Variants in RBPJ observed in about 807,000 individuals in gnomAD.
RBPJ encodes the protein recombination signal binding protein for immunoglobulin kappa J region.
Under a neutral mutation model 67.8 loss-of-function variants are expected in RBPJ, and 9 were observed. The observed-to-expected ratio is 0.13, with a 90% CI of 0.08 to 0.23. RBPJ has a LOEUF of 0.23. RBPJ is among the 10% of genes least tolerant of loss of function. The probability of loss-of-function intolerance (pLI) is 1.00; values close to 1 mark genes in which losing one functional copy is unlikely to be tolerated. For synonymous variants in RBPJ, 198 were observed against 203.3 expected, an observed-to-expected ratio of 0.97 and a Z score of 0.22; for missense variants, 305 against 595.6, an observed-to-expected ratio of 0.51 and a Z score of 5.08.
chr4:26,313,619 A>C (rs1007633746), intron 1 of RBPJ, among the ~76,000 whole-genome samples: 1 of 152,016 alleles, frequency 6.6e-6, no homozygotes, highest in African/African-American at 2.4e-5. Flanking sequence ...GCAGTGAGCC[A>C]AGATCATGCC....
the RBPJ span, among the ~76,000 whole-genome samples, chr4:26,115,787 G>A: frequency 5.9e-5 from 9 of 152,198 alleles, no homozygotes; most frequent in Non-Finnish European, 1.0e-4. Context: ...AAAGAAGAGC[G>A]AAACAGTATT....
intron 1 of RBPJ, among the ~76,000 whole-genome samples, chr4:26,346,033 A>G (rs565607450): frequency 2.0e-4 from 30 of 152,292 alleles, no homozygotes; most frequent in African/African-American, 7.2e-4. Context: ...ACACACACAC[A>G]CAAACACAAA....
At chr4:26,244,378 C>CAT (rs144410461) in intron 1 of RBPJ, among the ~76,000 whole-genome samples, 10,700 of 12,202 alleles carry the variant, frequency 0.88, 4,779 homozygotes, top group East Asian at 0.94. Flanking sequence ...TATGTGTACA[C>CAT]GTGTGTGTAT....
At chr4:26,391,907 G>A (rs762369321) in intron 2 of RBPJ, among the ~76,000 whole-genome samples, 16 of 152,204 alleles carry the variant, frequency 1.1e-4, no homozygotes, top group Non-Finnish European at 1.6e-4. Context: ...AGGCTGGGAA[G>A]TCTAAGATTA....
At chr4:26,268,339 T>G (rs1444572544) in intron 1 of RBPJ, among the ~76,000 whole-genome samples, 1 of 152,314 alleles carries the variant, frequency 6.6e-6, no homozygotes, top group South Asian at 2.1e-4. Context: ...GTATTGGAAA[T>G]TGGGCTGTTT....
chr4:26,234,311 G>A (rs1000978036), intron 1 of RBPJ, among the ~76,000 whole-genome samples: 11 of 152,104 alleles, frequency 7.2e-5, no homozygotes, highest in African/African-American at 2.7e-4. Context: ...TTAAGTCTGT[G>A]GTACAAATAG....
chr4:26,236,845 C>T (rs377657696), intron 1 of RBPJ, among the ~76,000 whole-genome samples: 3 of 152,124 alleles, frequency 2.0e-5, no homozygotes, highest in African/African-American at 7.2e-5. Flanking sequence ...ACTGACTAAC[C>T]GGTAGCTATT....
intron 1 of RBPJ, among the ~76,000 whole-genome samples, chr4:26,214,282 AGGAAG>A (rs1718539313): frequency 1.2e-5 from 1 of 80,234 alleles, no homozygotes; most frequent in African/African-American, 5.2e-5. Flanking sequence ...AAGAGAAAGG[AGGAAG>A]GAAAGGAAGG....
chr4:26,138,606 C>T, the RBPJ span, among the ~76,000 whole-genome samples: 20 of 152,156 alleles, frequency 1.3e-4, no homozygotes, highest in Middle Eastern at 3.2e-3. Flanking sequence ...AGAGAAATGT[C>T]GCTGCTCTGG....
intron 1 of RBPJ, among the ~76,000 whole-genome samples, chr4:26,357,886 C>T (rs1168603838): frequency 6.6e-6 from 1 of 152,054 alleles, no homozygotes. Flanking sequence ...ATCCATGTAG[C>T]GTTGTCAGAA....
At chr4:26,132,996 C>G in the RBPJ span, among the ~76,000 whole-genome samples, 1 of 152,210 alleles carries the variant, frequency 6.6e-6, no homozygotes, top group East Asian at 1.9e-4. Context: ...CCTTTGGGTT[C>G]CATGAGCCTT....
At chr4:26,175,427 G>A (rs1476098599) in intron 1 of RBPJ, among the ~76,000 whole-genome samples, 1 of 152,160 alleles carries the variant, frequency 6.6e-6, no homozygotes, top group African/African-American at 2.4e-5. Context: ...GCCACAAAGA[G>A]GGAGCAGAGA....
chr4:26,121,309 G>T, the RBPJ span, among the ~76,000 whole-genome samples: 1 of 152,022 alleles, frequency 6.6e-6, no homozygotes, highest in Non-Finnish European at 1.5e-5. Flanking sequence ...TCCTGCGTGG[G>T]TTTCTCAATA....
chr4:26,270,555 C>T (rs1720886538), intron 1 of RBPJ, among the ~76,000 whole-genome samples: 1 of 152,016 alleles, frequency 6.6e-6, no homozygotes, highest in Non-Finnish European at 1.5e-5. Flanking sequence ...CCTGTCTCCA[C>T]CCTGGACAAC....
chr4:26,274,572 G>A (rs1188735487), intron 1 of RBPJ, among the ~76,000 whole-genome samples: 1 of 152,226 alleles, frequency 6.6e-6, no homozygotes. Context: ...TGAGGTGGCA[G>A]TGAGCTGTGG....
chr4:26,357,727 A>G (rs1330878746), intron 1 of RBPJ, among the ~76,000 whole-genome samples: 1 of 152,010 alleles, frequency 6.6e-6, no homozygotes. Flanking sequence ...TTAAATAATA[A>G]CTCCCCATTG....
upstream of RBPJ, among the ~76,000 whole-genome samples, chr4:26,319,392 C>G (rs1722798178): frequency 6.6e-6 from 1 of 152,112 alleles, no homozygotes; most frequent in Non-Finnish European, 1.5e-5. Flanking sequence ...ACGCGGGTCT[C>G]CTCCCCCGCC....
the RBPJ span, among the ~76,000 whole-genome samples, chr4:26,139,299 C>G: frequency 6.6e-6 from 1 of 152,190 alleles, no homozygotes. Flanking sequence ...AGTGTAGTGC[C>G]CAGCCCATTG....
intron 1 of RBPJ, among the ~76,000 whole-genome samples, chr4:26,291,565 A>C (rs1009301217): frequency 6.6e-6 from 1 of 150,428 alleles, no homozygotes; most frequent in Admixed American, 6.6e-5. Flanking sequence ...TGACAAGACA[A>C]GCAGGTATGA....
Sources: allele counts gnomAD v4.1 joint callset (sites outside exome capture counted in the v4.1 genomes callset), GRCh38; gene constraint gnomAD v4.1.1; transcripts MANE v1.5; gene names NCBI Gene and HGNC (gene_info 2026-07-23, HGNC 2026-07-21).